TMEM117: variants seen among roughly 807,000 people sequenced by gnomAD.
TMEM117 encodes the protein transmembrane protein 117.
TMEM117 carries 27 observed loss-of-function variants against 52.4 expected under a neutral mutation model. The ratio of observed to expected loss-of-function variants is 0.51; its 90% confidence interval spans 0.38 to 0.71. The LOEUF is 0.71. Ranked by LOEUF, TMEM117 falls within the 30% of genes least tolerant of loss-of-function variation. TMEM117 has a pLI of 0.00. For synonymous variants in TMEM117, 215 were observed against 206.3 expected (o/e 1.04, Z -0.36); for missense variants, 556 against 630.5 (o/e 0.88, Z 1.26).
intron 3 of TMEM117, among the ~76,000 whole-genome samples, chr12:44,029,846 G>C (rs928813721): frequency 6.6e-6 from 1 of 152,158 alleles, no homozygotes; most frequent in Non-Finnish European, 1.5e-5. Context: ...TAAAAACTTT[G>C]CTGCAGTTCC....
intron 3 of TMEM117, among the ~76,000 whole-genome samples, chr12:43,980,818 G>GC (rs1385593815): frequency 6.6e-6 from 1 of 152,142 alleles, no homozygotes; most frequent in African/African-American, 2.4e-5. Context: ...AGAGTTAGCA[G>GC]CCCCCGAAGC....
chr12:43,944,005 A>G (rs1945087318), intron 2 of TMEM117, among the ~76,000 whole-genome samples: 1 of 152,244 alleles, frequency 6.6e-6, no homozygotes, highest in Admixed American at 6.5e-5. Flanking sequence ...GAAATGTGAT[A>G]TGAGGATCGT....
At chr12:43,955,185 C>T (rs777256272) in intron 3 of TMEM117, among the ~76,000 whole-genome samples, 9 of 152,130 alleles carry the variant, frequency 5.9e-5, no homozygotes, top group Non-Finnish European at 8.8e-5. Flanking sequence ...ATATCAATAA[C>T]ATACCGAATG....
intron 2 of TMEM117, among the ~76,000 whole-genome samples, chr12:43,937,858 G>A (rs1944978196): frequency 6.6e-6 from 1 of 152,108 alleles, no homozygotes; most frequent in South Asian, 2.1e-4. Context: ...TTATAGACAG[G>A]TGTAGCACAC....
At chr12:43,807,648 T>C in the TMEM117 span, among the ~76,000 whole-genome samples, 37,253 of 152,074 alleles carry the variant, frequency 0.24, 4,974 homozygotes, top group African/African-American at 0.35. Flanking sequence ...CTCAAAAGTA[T>C]AGTTGAGCAA....
chr12:43,881,790 C>CAA (rs58734580), intron 2 of TMEM117, among the ~76,000 whole-genome samples: 29,396 of 42,004 alleles, frequency 0.7, 10,876 homozygotes, highest in Non-Finnish European at 0.79. Context: ...ACTCTTGTCT[C>CAA]AAAAAAAAAA....
At chr12:43,988,566 TA>T (rs1945885733) in intron 3 of TMEM117, among the ~76,000 whole-genome samples, 1 of 152,108 alleles carries the variant, frequency 6.6e-6, no homozygotes, top group African/African-American at 2.4e-5. Flanking sequence ...TGGAAAATTC[TA>T]CAAAGAACAG....
At chr12:44,221,107 A>G (rs539036084) in intron 5 of TMEM117, among the ~76,000 whole-genome samples, 1 of 152,260 alleles carries the variant, frequency 6.6e-6, no homozygotes, top group South Asian at 2.1e-4. Context: ...TCTGACAAAC[A>G]TTACCTTGAC....
At chr12:44,398,110 T>G in the TMEM117 span, among the ~76,000 whole-genome samples, 9 of 94,772 alleles carry the variant, frequency 9.5e-5, no homozygotes, top group African/African-American at 6.7e-4. Flanking sequence ...TTTGTTTTGG[T>G]TTTTTTTTTA....
intron 2 of TMEM117, among the ~76,000 whole-genome samples, chr12:43,860,077 G>T (rs1335491953): frequency 1.3e-5 from 2 of 152,130 alleles, no homozygotes; most frequent in East Asian, 1.9e-4. Flanking sequence ...AGAATGTGCA[G>T]TTTTGTTACA....
At chr12:43,843,386 A>G (rs748843594) in intron 1 of TMEM117, among the ~76,000 whole-genome samples, 6 of 152,346 alleles carry the variant, frequency 3.9e-5, no homozygotes, top group Middle Eastern at 3.4e-3. Context: ...ATCCACTTAC[A>G]AGCCCTGGTG....
At chr12:43,842,078 T>C (rs138071409) in intron 1 of TMEM117, among the ~76,000 whole-genome samples, 6 of 152,300 alleles carry the variant, frequency 3.9e-5, no homozygotes, top group African/African-American at 1.4e-4. Flanking sequence ...TTTGTAGTGG[T>C]GGTCTGTGGA....
At chr12:44,087,469 T>A (rs531071897) in intron 3 of TMEM117, among the ~76,000 whole-genome samples, 2 of 152,172 alleles carry the variant, frequency 1.3e-5, no homozygotes, top group South Asian at 4.1e-4. Context: ...TGTATGTATG[T>A]ATGTATATTG....
chr12:44,127,739 C>T (rs529810325), intron 3 of TMEM117, among the ~76,000 whole-genome samples: 31 of 152,098 alleles, frequency 2.0e-4, no homozygotes, highest in Admixed American at 6.5e-4. Context: ...TTAGCCAATC[C>T]GTTGAAAGGC....
chr12:44,033,308 C>A (rs1370887860), intron 3 of TMEM117, among the ~76,000 whole-genome samples: 2 of 152,200 alleles, frequency 1.3e-5, no homozygotes, highest in Non-Finnish European at 2.9e-5. Context: ...TAGCAGCCCT[C>A]TGGGCTGCTC....
At chr12:44,160,614 A>G (rs1195815675) in intron 4 of TMEM117, among the ~76,000 whole-genome samples, 1 of 151,796 alleles carries the variant, frequency 6.6e-6, no homozygotes, top group African/African-American at 2.4e-5. Flanking sequence ...AACCAGCCTC[A>G]CAACATAGCA....
intron 2 of TMEM117, among the ~76,000 whole-genome samples, chr12:43,939,884 A>G (rs1386842292): frequency 6.6e-6 from 1 of 152,220 alleles, no homozygotes; most frequent in African/African-American, 2.4e-5. Context: ...GCAGAAGGCA[A>G]AGGAGGAGCA....
intron 3 of TMEM117, among the ~76,000 whole-genome samples, chr12:44,090,837 GTGTTTTTTTT>G (rs1441447682): frequency 0.02 from 2,223 of 112,398 alleles, 80 homozygotes; most frequent in African/African-American, 0.11. Context: ...CTGTATTTAT[GTGTTTTTTTT>G]TGTTTTTTTT....
At chr12:44,163,135 A>G (rs995607763) in intron 4 of TMEM117, among the ~76,000 whole-genome samples, 3 of 152,236 alleles carry the variant, frequency 2.0e-5, no homozygotes, top group Non-Finnish European at 4.4e-5. Flanking sequence ...TCTTTGGTGG[A>G]AGAAAGAATG....
Sources: allele counts gnomAD v4.1 joint callset (sites outside exome capture counted in the v4.1 genomes callset), GRCh38; gene constraint gnomAD v4.1.1; transcripts MANE v1.5; gene names NCBI Gene and HGNC (gene_info 2026-07-23, HGNC 2026-07-21).